The following MARCHF3 variants were observed in gnomAD, a reference collection of about 807,000 sequenced individuals.
The protein encoded by MARCHF3 is membrane associated ring-CH-type finger 3.
Under a neutral mutation model 24.2 loss-of-function variants are expected in MARCHF3, and 13 were observed. The observed-to-expected ratio is 0.54, with a 90% CI of 0.35 to 0.85. MARCHF3 has a LOEUF of 0.85. Ranked by LOEUF, MARCHF3 falls within the 40% of genes least tolerant of loss-of-function variation. The pLI is 0.01. For missense variants in MARCHF3, 276 were observed against 325.0 expected, an observed-to-expected ratio of 0.85 and a Z score of 1.16; for synonymous variants, 144 against 137.3, an observed-to-expected ratio of 1.05 and a Z score of -0.34.
intron 1 of MARCHF3, among the ~76,000 whole-genome samples, chr5:126,940,647 A>G (rs778831540): frequency 1.3e-5 from 2 of 151,958 alleles, no homozygotes; most frequent in Non-Finnish European, 2.9e-5. Flanking sequence ...GGGTTTCTCC[A>G]TGTTGGCCAG....
intron 3 of MARCHF3, among the ~76,000 whole-genome samples, chr5:126,903,588 C>T (rs1221652560): frequency 2.0e-5 from 3 of 152,048 alleles, no homozygotes; most frequent in Non-Finnish European, 4.4e-5. Context: ...CAAACCAAAT[C>T]CATTATAATA....
chr5:127,001,167 G>A (rs144767184), intron 1 of MARCHF3, among the ~76,000 whole-genome samples: 1 of 151,830 alleles, frequency 6.6e-6, no homozygotes, highest in African/African-American at 2.4e-5. Flanking sequence ...GAACCTGGGA[G>A]ATGGAGGTTG....
chr5:126,947,815 A>C (rs1385450424), intron 1 of MARCHF3, among the ~76,000 whole-genome samples: 1 of 151,776 alleles, frequency 6.6e-6, no homozygotes, highest in African/African-American at 2.4e-5. Context: ...GCAGGATGTC[A>C]TATGATCAGT....
chr5:126,935,900 C>A (rs1271987808), intron 1 of MARCHF3, among the ~76,000 whole-genome samples: 1 of 151,976 alleles, frequency 6.6e-6, no homozygotes, highest in Non-Finnish European at 1.5e-5. Context: ...CATGAGCCAC[C>A]ACACCTGGCC....
At chr5:126,880,539 C>A (rs1480385442) in intron 3 of MARCHF3, among the ~76,000 whole-genome samples, 1 of 152,160 alleles carries the variant, frequency 6.6e-6, no homozygotes. Flanking sequence ...GGGAATATCA[C>A]TATCAAGTGG....
intron 1 of MARCHF3, among the ~76,000 whole-genome samples, chr5:126,919,576 T>C (rs1040207934): frequency 6.6e-6 from 1 of 152,262 alleles, no homozygotes; most frequent in Non-Finnish European, 1.5e-5. Context: ...TTGATCCCCA[T>C]GGTTCTGGAA....
intron 1 of MARCHF3, among the ~76,000 whole-genome samples, chr5:126,982,047 C>T (rs1004023192): frequency 8.5e-5 from 13 of 152,182 alleles, no homozygotes; most frequent in African/African-American, 2.7e-4. Flanking sequence ...CAGATTACCT[C>T]AGACTTTTCA....
intron 3 of MARCHF3, among the ~76,000 whole-genome samples, chr5:126,897,355 C>A (rs986744110): frequency 6.6e-6 from 1 of 151,898 alleles, no homozygotes; most frequent in Non-Finnish European, 1.5e-5. Flanking sequence ...TTTAAGGATG[C>A]GGATTTGGAT....
chr5:126,962,828 T>C (rs1338033672), intron 1 of MARCHF3, among the ~76,000 whole-genome samples: 6 of 81,674 alleles, frequency 7.3e-5, no homozygotes, highest in Admixed American at 2.8e-4. Flanking sequence ...TGTGTGTGTG[T>C]GTGTGCGTGT....
chr5:126,883,025 G>A (rs11241912), intron 3 of MARCHF3, among the ~76,000 whole-genome samples: 65,240 of 151,970 alleles, frequency 0.43, 15,083 homozygotes, highest in East Asian at 0.64. Flanking sequence ...TGGAAGGGGA[G>A]GAAAATGGTT....
Position 126,992,766 on chromosome 5 carries a change from ATTTTTTT to A in MARCHF3, c.-57+37577_-57+37583del, listed in dbSNP as rs757479478. ...TCTTCCTCTTTTTGACATCCACGTG[ATTTTTTT>A]TTTTTTTTTTTTTTTTGAGACGGAG... On this transcript the variant is annotated intron_variant, in intron 1 of 4. Transcript: ENST00000308660. Among the ~76,000 whole-genome samples, 12 of 95,520 alleles carry A rather than the reference ATTTTTTT, an allele frequency of 1.3e-4. No homozygotes were observed. In the East Asian group the frequency reaches 1.3e-3, roughly 10 times the overall value. 62.7% of individuals were successfully genotyped at this position (95,520 alleles called of 152,430 possible).
chr5:127,012,136 G>T (rs532643645), intron 1 of MARCHF3, among the ~76,000 whole-genome samples: 2 of 152,122 alleles, frequency 1.3e-5, no homozygotes, highest in Non-Finnish European at 1.5e-5. Context: ...TATACCATGT[G>T]ATTTTCCAAC....
intron 1 of MARCHF3, among the ~76,000 whole-genome samples, chr5:126,927,075 A>G (rs762064063): frequency 6.6e-6 from 1 of 152,126 alleles, no homozygotes; most frequent in Non-Finnish European, 1.5e-5. Context: ...TCCCCCTGGA[A>G]TTACTTTCCT....
chr5:126,932,623 A>G (rs1444234255), intron 1 of MARCHF3, among the ~76,000 whole-genome samples: 1 of 152,252 alleles, frequency 6.6e-6, no homozygotes, highest in Non-Finnish European at 1.5e-5. Context: ...TAAGGAAAGT[A>G]GGTGTTACTG....
intron 3 of MARCHF3, among the ~76,000 whole-genome samples, chr5:126,906,700 TTC>T (rs991428516): frequency 1.3e-5 from 2 of 152,224 alleles, no homozygotes; most frequent in Admixed American, 1.3e-4. Context: ...TATTTGATTC[TTC>T]TCTCTTTTTT....
intron 1 of MARCHF3, among the ~76,000 whole-genome samples, chr5:126,944,123 C>A (rs1412754025): frequency 1.3e-5 from 2 of 152,022 alleles, no homozygotes; most frequent in East Asian, 3.9e-4. Context: ...AACCCCTAAT[C>A]TTAGCCACTC....
At chr5:126,996,395 G>T (rs73786283) in intron 1 of MARCHF3, among the ~76,000 whole-genome samples, 7,827 of 152,220 alleles carry the variant, frequency 0.051, 367 homozygotes, top group South Asian at 0.14. Context: ...ATAGGTTGGT[G>T]AGTCACTTGT....
chr5:126,941,734 C>T (rs1749837026), intron 1 of MARCHF3, among the ~76,000 whole-genome samples: 1 of 152,212 alleles, frequency 6.6e-6, no homozygotes, highest in Non-Finnish European at 1.5e-5. Flanking sequence ...CATCTGGAGG[C>T]CTTCTGCTGG....
intron 1 of MARCHF3, among the ~76,000 whole-genome samples, chr5:127,005,189 T>C (rs1263510486): frequency 7.1e-6 from 1 of 141,244 alleles, no homozygotes; most frequent in Non-Finnish European, 1.5e-5. Flanking sequence ...CAGGCTGGAA[T>C]ACAGTGGCAC....
Sources: gnomAD v4.1 joint callset for allele counts (sites outside exome capture counted in the v4.1 genomes callset) on GRCh38, gnomAD v4.1.1 for gene constraint, MANE v1.5 for transcripts, NCBI Gene and HGNC (gene_info 2026-07-23, HGNC 2026-07-21) for gene names.